Variants in TMEM114 observed in about 807,000 individuals in gnomAD.
The protein encoded by TMEM114 is transmembrane protein 114, also known as claudin-26.
Under a neutral mutation model 6.2 loss-of-function variants are expected in TMEM114, and 6 were observed. The ratio of observed to expected loss-of-function variants is 0.97; its 90% CI spans 0.53 to 1.91. The LOEUF (loss-of-function observed/expected upper bound fraction) is 1.91, where lower values mean the gene tolerates loss of function less well. TMEM114 is among the 40% of genes most tolerant of loss of function. TMEM114 has a pLI of 0.01. For synonymous variants in TMEM114, 104 were observed against 73.0 expected (o/e 1.42, Z -2.16); for missense variants, 218 against 158.3 (o/e 1.38, Z -2.02).
the TMEM114 span, among the ~76,000 whole-genome samples, chr16:8,528,521 T>A: frequency 4.5e-3 from 691 of 151,892 alleles, 4 homozygotes; most frequent in African/African-American, 0.016. Context: ...GAAGCCAGAG[T>A]TGAGGAGGGG....
chr16:8,560,270 T>C (rs1361201221), intron 2 of TMEM114, among the ~76,000 whole-genome samples: 1 of 151,966 alleles, frequency 6.6e-6, no homozygotes, highest in East Asian at 1.9e-4. Flanking sequence ...ATTGTTGGGA[T>C]TACAGGTGTG....
intron 3 of TMEM114, among the ~76,000 whole-genome samples, chr16:8,571,875 A>C (rs1901745788): frequency 1.3e-5 from 2 of 152,176 alleles, no homozygotes; most frequent in African/African-American, 4.8e-5. Context: ...GATTCTTGGA[A>C]GCTGCTCCCT....
chr16:8,571,130 T>A (rs538024445), intron 3 of TMEM114, among the ~76,000 whole-genome samples: 246 of 148,284 alleles, frequency 1.7e-3, no homozygotes, highest in South Asian at 2.8e-3. Flanking sequence ...TTTTTTTTTT[T>A]AAAAGGAACA....
chr16:8,561,194 C>G (rs368833791), intron 2 of TMEM114, among the ~76,000 whole-genome samples: 2 of 152,208 alleles, frequency 1.3e-5, no homozygotes, highest in Middle Eastern at 3.2e-3. Flanking sequence ...TCAGTCTACT[C>G]CTGTCTGTCC....
chr16:8,547,714 A>C (rs1369421112), intron 2 of TMEM114, among the ~76,000 whole-genome samples: 1 of 152,002 alleles, frequency 6.6e-6, no homozygotes, highest in African/African-American at 2.4e-5. Context: ...TACTGAACAC[A>C]AAGGTTGGCA....
At chr16:8,569,493 C>T (rs1901649365), downstream of TMEM114, 2 of 1,347,832 alleles carry the variant, frequency 1.5e-6, no homozygotes, top group African/African-American at 1.5e-5. Flanking sequence ...ATCTGTAAAG[C>T]TCTGTGTGTG....
intron 2 of TMEM114, among the ~76,000 whole-genome samples, chr16:8,576,053 C>T (rs1901914955): frequency 6.6e-6 from 1 of 152,172 alleles, no homozygotes; most frequent in Non-Finnish European, 1.5e-5. Flanking sequence ...GGAACTCCGA[C>T]ATCAGACGAG....
intron 2 of TMEM114, among the ~76,000 whole-genome samples, chr16:8,549,501 G>GA (rs57591057): frequency 0.42 from 45,085 of 106,560 alleles, 8,533 homozygotes; most frequent in African/African-American, 0.56. Flanking sequence ...ACTCCGTCTC[G>GA]AAAAAAAAAA....
chr16:8,548,959 G>A (rs916773962), intron 2 of TMEM114, among the ~76,000 whole-genome samples: 2 of 152,026 alleles, frequency 1.3e-5, no homozygotes, highest in African/African-American at 2.4e-5. Flanking sequence ...AAGGCAGGTG[G>A]ATCACAAGGT....
At position 8,574,581 on chromosome 16, in the gene TMEM114, C is replaced by CTTT. The variant is rs1445175552; in HGVS notation, c.302-2358_302-2357insAAA. ...TCTTTCTTTCTTTCTTTCCTTCCTT[C>CTTT]CTTCTTTCTTTCTTTCTTTCTTTCT... On this transcript the variant is annotated intron_variant, in intron 2 of 3. Transcript: ENST00000620492. Among the ~76,000 whole-genome samples the CTTT allele has an allele frequency of 9.2e-4, 124 of 135,018 alleles. 2 individuals carry two copies. The Middle Eastern group carries it at 0.023, about 25-fold the overall frequency. 88.6% of individuals were successfully genotyped at this position (135,018 alleles called of 152,430 possible). A position where few individuals can be genotyped will look rare whatever the true frequency, so the allele number is the denominator to read the frequency against.
In TMEM114 at chr16:8,550,338, A is replaced by G. The variant is rs111467577; in HGVS notation, n.213-12512T>C. Among the ~76,000 whole-genome samples, 417 of 152,290 alleles carry G rather than the reference A, an allele frequency of 2.7e-3. 3 individuals are homozygous for G. The highest frequency in any genetic ancestry group is 9.3e-3 in the African/African-American group (385 of 41,558). The stretch of plus-strand genomic sequence containing the variant: ...CCAATCAAGCTGACACTTAATATTA[A>G]CCATCACAGTACCCTAGAATTTTGT... On this transcript the variant is annotated intron_variant and non_coding_transcript_variant, in intron 2 of 2. Transcript: ENST00000623677.
chr16:8,555,936 G>A (rs1238516088), intron 2 of TMEM114, among the ~76,000 whole-genome samples: 1 of 152,154 alleles, frequency 6.6e-6, no homozygotes, highest in African/African-American at 2.4e-5. Context: ...ACTGCCTCTT[G>A]GACGTGTCCA....
rs1037748716 is a variant in TMEM114 at position 8,561,473 on chromosome 16, C to T, written n.213-23647G>A. ...GCACTCATACACACACATGCACAGACCCCAGAATGTCAGCTTCAAAAGGCA... is the reference window on the plus strand; with the variant it reads ...GCACTCATACACACACATGCACAGATCCCAGAATGTCAGCTTCAAAAGGCA... On this transcript the variant is annotated intron_variant and non_coding_transcript_variant, in intron 2 of 2. Coordinates refer to the TMEM114 transcript ENST00000623677. Among the ~76,000 whole-genome samples, 9 of 152,342 alleles carry T rather than the reference C, an allele frequency of 5.9e-5. No homozygotes were observed. In the South Asian group the frequency reaches 1.4e-3, roughly 25 times the overall value.
chr16:8,552,226 AT>A (rs1900868526), intron 2 of TMEM114, among the ~76,000 whole-genome samples: 2 of 150,840 alleles, frequency 1.3e-5, no homozygotes, highest in South Asian at 4.2e-4. Flanking sequence ...AAAAAAAAAA[AT>A]TTTAATATTA....
intron 2 of TMEM114, among the ~76,000 whole-genome samples, chr16:8,538,758 G>A (rs755568101): frequency 5.9e-5 from 9 of 152,032 alleles, no homozygotes; most frequent in East Asian, 3.9e-4. Context: ...CGCCCACCTC[G>A]GCCTCCCAAG....
intron 2 of TMEM114, among the ~76,000 whole-genome samples, chr16:8,576,252 G>T (rs555673630): frequency 2.6e-5 from 4 of 152,284 alleles, no homozygotes; most frequent in African/African-American, 9.6e-5. Context: ...GAGATATTTG[G>T]TCACAGAATT....
chr16:8,581,737 C>G (rs990730827), intron 2 of TMEM114, among the ~76,000 whole-genome samples: 1 of 152,224 alleles, frequency 6.6e-6, no homozygotes, highest in African/African-American at 2.4e-5. Context: ...TACAGGTGTG[C>G]GCCACTGCGC....
intron 2 of TMEM114, among the ~76,000 whole-genome samples, chr16:8,562,078 GA>G (rs1318921372): frequency 6.6e-6 from 1 of 150,874 alleles, no homozygotes; most frequent in African/African-American, 2.4e-5. Flanking sequence ...ATGAGTGAGT[GA>G]ATGAATGAGT....
rs902580443 is a variant in TMEM114 at position 8,571,992 on chromosome 16, C to G, written c.439+95G>C. 3.6e-6 allele frequency: 5 copies of G among 1,395,852 alleles called. No homozygotes were observed. In the East Asian group the frequency reaches 8.1e-5, roughly 23 times the overall value. 86.5% of individuals were successfully genotyped at this position (1,395,852 alleles called of 1,614,324 possible). The stretch of plus-strand genomic sequence containing the variant: ...AGGGGAAACTGAACCCCACGAGGCC[C>G]TGGGATCCCCCTCGTTTGCTGAGGG... On this transcript the variant is annotated intron_variant, in intron 3 of 3. Coordinates refer to ENST00000620492, the MANE Select transcript of TMEM114 (RefSeq NM_001146336.2).
Sources: allele counts gnomAD v4.1 joint callset (sites outside exome capture counted in the v4.1 genomes callset), GRCh38; gene constraint gnomAD v4.1.1; transcripts MANE v1.5; gene names NCBI Gene and HGNC (gene_info 2026-07-23, HGNC 2026-07-21).